A1CF: variants seen among roughly 807,000 people sequenced by gnomAD.
A1CF encodes APOBEC1 complementation factor.
A1CF carries 48 observed loss-of-function variants against 68.9 expected under a neutral mutation model. The observed-to-expected ratio is 0.70, with a 90% CI of 0.55 to 0.89. The LOEUF (loss-of-function observed/expected upper bound fraction) is 0.89. A1CF is among the 40% of genes least tolerant of loss of function. The probability of loss-of-function intolerance (pLI) is 0.00; values close to 1 mark genes in which losing one functional copy is unlikely to be tolerated. For missense variants in A1CF, 653 were observed against 718.9 expected (o/e 0.91, Z 1.05); for synonymous variants, 272 against 260.4 (o/e 1.04, Z -0.43).
chr10:50,849,960 AT>A (rs1238265767), intron 3 of A1CF, among the ~76,000 whole-genome samples: 2 of 151,976 alleles, frequency 1.3e-5, no homozygotes, highest in African/African-American at 4.8e-5. Flanking sequence ...TGCCTGGCTA[AT>A]TTTTTGTACT....
chr10:50,853,803 T>A lies in A1CF; in HGVS notation c.99+6039A>T, dbSNP rs578236194. ...ATAGTTGATATTTTAGGCTTTTTTT[T>A]AAAAAAAATGCTTAAAATGTAAAAA... On this transcript the variant is annotated intron_variant, in intron 3 of 12. Coordinates refer to ENST00000373997, the MANE Select transcript of A1CF (RefSeq NM_014576.4). Among the ~76,000 whole-genome samples the A allele has an allele frequency of 6.0e-4, 89 of 147,850 alleles. 2 individuals carry two copies. Among genetic ancestry groups the A allele is most frequent in the Middle Eastern group, 3.5e-3 (1 of 286 alleles).
chr10:50,870,934 A>C (rs774933312), intron 1 of A1CF, among the ~76,000 whole-genome samples: 1 of 151,766 alleles, frequency 6.6e-6, no homozygotes, highest in Admixed American at 6.6e-5. Flanking sequence ...TTTATTAAAC[A>C]TTAGGGATTA....
intron 1 of A1CF, among the ~76,000 whole-genome samples, chr10:50,881,040 A>C (rs1459513476): frequency 6.7e-6 from 1 of 150,142 alleles, no homozygotes; most frequent in Non-Finnish European, 1.5e-5. Flanking sequence ...CCTAGGCTGG[A>C]GTGCAATGGT....
intron 3 of A1CF, among the ~76,000 whole-genome samples, chr10:50,853,683 T>G (rs572795117): frequency 7.2e-5 from 11 of 152,046 alleles, no homozygotes; most frequent in African/African-American, 2.6e-4. Context: ...ATTAAAGAAT[T>G]TTCTTTAAAA....
At chr10:50,876,056 C>T (rs1444393747) in intron 1 of A1CF, among the ~76,000 whole-genome samples, 1 of 152,152 alleles carries the variant, frequency 6.6e-6, no homozygotes, top group Non-Finnish European at 1.5e-5. Context: ...GCGCCTTTGT[C>T]CTTGTTTCCC....
chr10:50,835,040 C>G (rs184229957), intron 6 of A1CF, among the ~76,000 whole-genome samples: 1 of 152,110 alleles, frequency 6.6e-6, no homozygotes, highest in African/African-American at 2.4e-5. Flanking sequence ...GATGACTTGA[C>G]CAAATGCTGG....
chr10:50,852,337 A>G (rs1005162054), intron 3 of A1CF, among the ~76,000 whole-genome samples: 1 of 152,206 alleles, frequency 6.6e-6, no homozygotes, highest in Non-Finnish European at 1.5e-5. Context: ...AAGTTCCCAC[A>G]AATGTTGGGC....
At position 50,805,011 on chromosome 10, in the gene A1CF, A is replaced by G. The variant is rs1161827272; in HGVS notation, c.*1718T>C. ...ACTGTCCTAGGAAATATTAGACGCTAAATGTAAAGTAGAAAGCACAGGGCC... is the reference window on the plus strand; with the variant it reads ...ACTGTCCTAGGAAATATTAGACGCTGAATGTAAAGTAGAAAGCACAGGGCC... On this transcript the variant is annotated 3_prime_UTR_variant, in exon 13 of 13. Transcript: ENST00000373997. 3 of 152,220 alleles carry G rather than the reference A, an allele frequency of 2.0e-5. No individual in the cohort carries two copies. Among genetic ancestry groups the G allele is most frequent in the African/African-American group, 7.2e-5 (3 of 41,464 alleles). The allele number at this position is 152,220 out of a possible 1,614,324, so 9.4% of individuals were successfully genotyped here. A position where few individuals can be genotyped will look rare whatever the true frequency, so the allele number is the denominator to read the frequency against.
intron 3 of A1CF, among the ~76,000 whole-genome samples, chr10:50,858,952 A>C (rs1217335873): frequency 1.3e-5 from 2 of 152,098 alleles, no homozygotes; most frequent in African/African-American, 4.8e-5. Context: ...ATGATTTATA[A>C]AATTAATTAA....
At chr10:50,843,567 A>C (rs1839870097) in intron 4 of A1CF, among the ~76,000 whole-genome samples, 4 of 152,250 alleles carry the variant, frequency 2.6e-5, no homozygotes, top group Admixed American at 6.5e-5. Flanking sequence ...TCTGGATTAT[A>C]GATACATGTT....
chr10:50,868,417 G>A (rs1390967880), intron 1 of A1CF, among the ~76,000 whole-genome samples: 1 of 152,248 alleles, frequency 6.6e-6, no homozygotes, highest in East Asian at 1.9e-4. Context: ...GTGGTAGCAT[G>A]CACTTTGGTC....
intron 6 of A1CF, among the ~76,000 whole-genome samples, chr10:50,830,832 G>T (rs1839202496): frequency 6.6e-6 from 1 of 152,096 alleles, no homozygotes; most frequent in South Asian, 2.1e-4. Flanking sequence ...GAACAAAGCT[G>T]GGGTCATCAC....
At chr10:50,876,575 G>C (rs780086876) in intron 1 of A1CF, among the ~76,000 whole-genome samples, 4 of 152,206 alleles carry the variant, frequency 2.6e-5, no homozygotes, top group African/African-American at 9.7e-5. Flanking sequence ...ACAGAGCAGG[G>C]ACATTGGCCT....
At chr10:50,867,751 ATTAAAG>A (rs1419200655) in intron 1 of A1CF, among the ~76,000 whole-genome samples, 1 of 152,210 alleles carries the variant, frequency 6.6e-6, no homozygotes, top group Non-Finnish European at 1.5e-5. Context: ...TAAAGACAGA[ATTAAAG>A]TTAGAAGATT....
rs1837550783 is a variant in A1CF at position 50,800,367 on chromosome 10, AC to A, written c.*6361del. The A allele has an allele frequency of 6.6e-6, 1 of 152,114 alleles. No homozygotes were observed. Among genetic ancestry groups the A allele is most frequent in the African/African-American group, 2.4e-5 (1 of 41,434 alleles). The allele number at this position is 152,114 out of a possible 1,614,324, so 9.4% of individuals were successfully genotyped here. On this transcript the variant is annotated 3_prime_UTR_variant, in exon 13 of 13. Transcript: ENST00000373997. ...CCATAATAGGTGAAGTGTTAAATTC[AC>A]CTTTTAAAAGGCTTATTGTATCAGT...
chr10:50,841,846 A>T lies in A1CF; in HGVS notation c.365+16T>A, dbSNP rs780569903. The T allele has an allele frequency of 3.7e-5, 60 of 1,611,616 alleles. No homozygotes were observed. The highest frequency in any genetic ancestry group is 5.0e-5 in the Non-Finnish European group (59 of 1,179,400). On this transcript the variant is annotated intron_variant, in intron 5 of 12. Transcript: ENST00000373997. The stretch of plus-strand genomic sequence containing the variant: ...ATTGTTTGTTTCACTTTTAATCTAG[A>T]AGAGGCGGAGCTTACCTAATTTCAT...
chr10:50,880,242 C>T (rs1184046043), intron 1 of A1CF, among the ~76,000 whole-genome samples: 1 of 152,136 alleles, frequency 6.6e-6, no homozygotes, highest in Non-Finnish European at 1.5e-5. Context: ...GCCAGACTGC[C>T]CGGACTCACT....
At chr10:50,821,409 T>C (rs1164974153) in intron 7 of A1CF, among the ~76,000 whole-genome samples, 1 of 152,178 alleles carries the variant, frequency 6.6e-6, no homozygotes, top group Non-Finnish European at 1.5e-5. Context: ...TACACTACTG[T>C]TGAAAGAGCA....
intron 3 of A1CF, among the ~76,000 whole-genome samples, chr10:50,854,451 T>C (rs933625541): frequency 5.3e-5 from 8 of 152,032 alleles, no homozygotes; most frequent in Admixed American, 2.0e-4. Context: ...ATTTAGGATA[T>C]GTTTAAGTTT....
Sources: gnomAD v4.1 joint callset for allele counts (sites outside exome capture counted in the v4.1 genomes callset) on GRCh38, gnomAD v4.1.1 for gene constraint, MANE v1.5 for transcripts, NCBI Gene and HGNC (gene_info 2026-07-23, HGNC 2026-07-21) for gene names.